The following LRP1B variants were observed in gnomAD, a reference collection of about 807,000 sequenced individuals.
LRP1B encodes LDL receptor related protein 1B.
A neutral mutation model predicts 556.6 loss-of-function variants in LRP1B; 217 were observed. The ratio of observed to expected loss-of-function variants is 0.39; its 90% CI spans 0.35 to 0.44. LRP1B has a LOEUF of 0.44. LRP1B is among the 20% of genes least tolerant of loss of function. The probability of loss-of-function intolerance (pLI) is 1.00; values close to 1 mark genes in which losing one functional copy is unlikely to be tolerated. For missense variants in LRP1B, 5,053 were observed against 5,620.8 expected (o/e 0.90, Z 3.23); for synonymous variants, 2,047 against 1,865.8 (o/e 1.10, Z -2.50).
At chr2:141,105,053 A>T (rs1700570639) in intron 7 of LRP1B, among the ~76,000 whole-genome samples, 1 of 152,096 alleles carries the variant, frequency 6.6e-6, no homozygotes, top group Non-Finnish European at 1.5e-5. Context: ...TTGGCTTAGC[A>T]TGATGACTGT....
intron 1 of LRP1B, among the ~76,000 whole-genome samples, chr2:141,999,006 CT>C (rs564963437): frequency 1.3e-5 from 2 of 152,152 alleles, no homozygotes; most frequent in South Asian, 4.1e-4. Context: ...GAAGAGACAG[CT>C]TTGTCGGCCA....
intron 6 of LRP1B, among the ~76,000 whole-genome samples, chr2:141,228,582 AGTGTGTGTGTGTGT>A (rs3063860): frequency 5.5e-5 from 8 of 146,398 alleles, no homozygotes; most frequent in African/African-American, 1.3e-4. Flanking sequence ...TGTGTGTATG[AGTGTGTGTGTGTGT>A]GTGTGTGTGT....
intron 7 of LRP1B, among the ~76,000 whole-genome samples, chr2:141,134,634 T>C (rs1223278953): frequency 6.6e-6 from 1 of 150,502 alleles, no homozygotes; most frequent in Admixed American, 6.7e-5. Flanking sequence ...AGTTTCTAAA[T>C]AAAGTACATA....
chr2:141,115,591 G>A (rs1028548762), intron 7 of LRP1B, among the ~76,000 whole-genome samples: 5 of 150,760 alleles, frequency 3.3e-5, no homozygotes, highest in Non-Finnish European at 5.9e-5. Context: ...CGAGTAGCTG[G>A]GACTACAGGC....
At position 140,883,116 on chromosome 2, in the gene LRP1B, T is replaced by C. The variant is rs530076461; in HGVS notation, c.4169+701A>G. On this transcript the variant is annotated intron_variant, in intron 25 of 90. Coordinates refer to ENST00000389484, the MANE Select transcript of LRP1B (RefSeq NM_018557.3). The stretch of plus-strand genomic sequence containing the variant: ...AAACCTGAAATCTAAGGGAAAAAGA[T>C]ACACTTGATACACCCAGAGTATAAG... Among the ~76,000 whole-genome samples, 3 of 152,260 alleles carry C rather than the reference T, an allele frequency of 2.0e-5. No individual in the cohort carries two copies. The South Asian group carries it at 6.2e-4, about 32-fold the overall frequency.
chr2:140,306,908 T>G (rs1282455633), intron 83 of LRP1B, among the ~76,000 whole-genome samples: 1 of 152,128 alleles, frequency 6.6e-6, no homozygotes, highest in Non-Finnish European at 1.5e-5. Flanking sequence ...TTTCATTTCG[T>G]TATGTACCCA....
At chr2:141,905,466 T>C (rs1246182647) in intron 1 of LRP1B, among the ~76,000 whole-genome samples, 1 of 151,842 alleles carries the variant, frequency 6.6e-6, no homozygotes, top group African/African-American at 2.4e-5. Flanking sequence ...TACTTTTTTT[T>C]TCAAGTTATA....
In LRP1B at chr2:140,843,015, A is replaced by G. The variant is rs573744154; in HGVS notation, c.4940-1923T>C. 6.2e-5 allele frequency among the ~76,000 whole-genome samples: 9 copies of G among 144,618 alleles called. No homozygotes were observed. In the South Asian group the frequency reaches 8.7e-4, roughly 14 times the overall value. The allele number at this position is 144,618 out of a possible 152,430, so 94.9% of individuals were successfully genotyped here. A position where few individuals can be genotyped will look rare whatever the true frequency, so the allele number is the denominator to read the frequency against. On this transcript the variant is annotated intron_variant, in intron 29 of 90. Transcript: ENST00000389484. The stretch of plus-strand genomic sequence containing the variant: ...GGATTTCTTGGTATTGGCAAAAATA[A>G]TAAGTTTCTATTTACCCTAAAATAC...
chr2:141,509,311 C>G (rs892728322), intron 2 of LRP1B, among the ~76,000 whole-genome samples: 1 of 151,986 alleles, frequency 6.6e-6, no homozygotes, highest in Non-Finnish European at 1.5e-5. Context: ...GTTGGGCAGG[C>G]TAGAGAACTG....
intron 1 of LRP1B, among the ~76,000 whole-genome samples, chr2:141,853,621 G>T (rs183077278): frequency 6.6e-6 from 1 of 151,546 alleles, no homozygotes; most frequent in Non-Finnish European, 1.5e-5. Flanking sequence ...GTGCCAATGC[G>T]GTTCATATTT....
chr2:140,343,293 T>G (rs1389294529), intron 77 of LRP1B, among the ~76,000 whole-genome samples: 1 of 151,600 alleles, frequency 6.6e-6, no homozygotes, highest in Non-Finnish European at 1.5e-5. Flanking sequence ...ATTCATATAT[T>G]GCTGATCATT....
intron 45 of LRP1B, among the ~76,000 whole-genome samples, chr2:140,538,941 G>A (rs1680031658): frequency 6.6e-6 from 1 of 152,054 alleles, no homozygotes; most frequent in African/African-American, 2.4e-5. Context: ...AACAAACATT[G>A]TATGAATACA....
At chr2:140,775,039 A>C (rs1247846849) in intron 33 of LRP1B, among the ~76,000 whole-genome samples, 1 of 152,160 alleles carries the variant, frequency 6.6e-6, no homozygotes, top group Non-Finnish European at 1.5e-5. Context: ...CTTCAGATAA[A>C]TGTTTAAAGC....
At chr2:140,839,925 A>G (rs1573788802) in intron 31 of LRP1B, 66 bp downstream of exon 31, 1 of 917,822 alleles carries the variant, frequency 1.1e-6, no homozygotes, top group East Asian at 2.5e-5. Flanking sequence ...TCTAGATCAA[A>G]GGTATATTGT....
At chr2:141,293,742 A>G (rs1341368651) in intron 3 of LRP1B, among the ~76,000 whole-genome samples, 2 of 152,078 alleles carry the variant, frequency 1.3e-5, no homozygotes, top group Non-Finnish European at 2.9e-5. Context: ...AATATTTTTC[A>G]AAACTGAATT....
At chr2:141,581,150 T>A (rs1050506098) in intron 2 of LRP1B, among the ~76,000 whole-genome samples, 1 of 152,202 alleles carries the variant, frequency 6.6e-6, no homozygotes, top group African/African-American at 2.4e-5. Flanking sequence ...GCACTCTCTA[T>A]GAACTTTCAC....
At position 141,963,823 on chromosome 2, in the gene LRP1B, A is replaced by G. The variant is rs1429422195; in HGVS notation, c.83-153422T>C. 4.2e-4 allele frequency among the ~76,000 whole-genome samples: 62 copies of G among 146,248 alleles called. No individual in the cohort carries two copies. The East Asian group carries it at 0.011, about 27-fold the overall frequency. ...CAAATTGTCCCTGTTTGCAGACGAC[A>G]TGATTGTTTATCTAGAAAACCCCAT... On this transcript the variant is annotated intron_variant, in intron 1 of 90. Coordinates refer to ENST00000389484, the MANE Select transcript of LRP1B (RefSeq NM_018557.3).
intron 28 of LRP1B, 138 bp downstream of exon 28, chr2:140,851,514 A>T: frequency 1.2e-6 from 1 of 835,204 alleles, no homozygotes; most frequent in Non-Finnish European, 1.8e-6. Context: ...GGATGGAAAT[A>T]GCACCACCAC....
intron 3 of LRP1B, among the ~76,000 whole-genome samples, chr2:141,453,985 T>C (rs1681531739): frequency 6.6e-6 from 1 of 152,164 alleles, no homozygotes; most frequent in Admixed American, 6.5e-5. Context: ...TCATCCATTA[T>C]CTAAAGTTAA....
Sources: gnomAD v4.1 joint callset for allele counts (sites outside exome capture counted in the v4.1 genomes callset) on GRCh38, gnomAD v4.1.1 for gene constraint, MANE v1.5 for transcripts, NCBI Gene and HGNC (gene_info 2026-07-23, HGNC 2026-07-21) for gene names.